Variants in BMPR1B observed in about 807,000 individuals in gnomAD.
The protein encoded by BMPR1B is bone morphogenetic protein receptor type-1B.
BMPR1B carries 12 observed loss-of-function variants against 59.1 expected under a neutral mutation model. That is an observed-to-expected ratio of 0.20 (90% CI 0.13 to 0.33). The LOEUF is 0.33. BMPR1B is among the 10% of genes least tolerant of loss of function. The pLI is 1.00. For synonymous variants in BMPR1B, 237 were observed against 207.3 expected (o/e 1.14, Z -1.23); for missense variants, 550 against 610.9 (o/e 0.90, Z 1.05).
At chr4:94,965,744 A>G (rs1445990590) in intron 2 of BMPR1B, among the ~76,000 whole-genome samples, 2 of 151,954 alleles carry the variant, frequency 1.3e-5, no homozygotes, top group Non-Finnish European at 2.9e-5. Flanking sequence ...ATATATTTTG[A>G]TTTAGACTGA....
chr4:94,916,849 T>C (rs1728501511), intron 2 of BMPR1B, among the ~76,000 whole-genome samples: 1 of 152,186 alleles, frequency 6.6e-6, no homozygotes, highest in Admixed American at 6.5e-5. Context: ...GCCCCAGCCC[T>C]GGCCATCACA....
At chr4:95,014,650 T>C (rs1185428545) in intron 3 of BMPR1B, among the ~76,000 whole-genome samples, 1 of 152,200 alleles carries the variant, frequency 6.6e-6, no homozygotes, top group Non-Finnish European at 1.5e-5. Flanking sequence ...GACTTTATCA[T>C]TATAATATCA....
intron 1 of BMPR1B, among the ~76,000 whole-genome samples, chr4:94,821,777 TG>T (rs1483070705): frequency 6.6e-6 from 1 of 152,210 alleles, no homozygotes; most frequent in Non-Finnish European, 1.5e-5. Flanking sequence ...GAAGTCTGGA[TG>T]GTACTGTGTG....
intron 3 of BMPR1B, among the ~76,000 whole-genome samples, chr4:95,099,612 A>C (rs1031860024): frequency 6.6e-6 from 1 of 151,496 alleles, no homozygotes; most frequent in South Asian, 2.1e-4. Flanking sequence ...GCACACGCAC[A>C]CACACGCACA....
chr4:94,982,131 A>G (rs746145330), intron 2 of BMPR1B, among the ~76,000 whole-genome samples: 3 of 152,228 alleles, frequency 2.0e-5, no homozygotes, highest in East Asian at 1.9e-4. Flanking sequence ...TACATAAAAA[A>G]CAATGAATCT....
At chr4:94,781,171 GTTAT>G (rs925632653) in intron 1 of BMPR1B, among the ~76,000 whole-genome samples, 12 of 152,052 alleles carry the variant, frequency 7.9e-5, no homozygotes, top group African/African-American at 2.9e-4. Flanking sequence ...AAGAAATTGA[GTTAT>G]TTATCTTTTT....
At chr4:95,072,890 CAGAA>C (rs1197656312) in intron 3 of BMPR1B, among the ~76,000 whole-genome samples, 2 of 152,098 alleles carry the variant, frequency 1.3e-5, no homozygotes, top group South Asian at 2.1e-4. Context: ...TTGGAAATTA[CAGAA>C]AGAGTCTATT....
chr4:95,061,210 C>CACACA (rs1242880406), intron 3 of BMPR1B, among the ~76,000 whole-genome samples: 1 of 132,480 alleles, frequency 7.5e-6, no homozygotes, highest in African/African-American at 2.7e-5. Flanking sequence ...CACACACACA[C>CACACA]CACACACCCC....
chr4:94,839,390 G>A lies in BMPR1B; in HGVS notation c.-182-36441G>A, dbSNP rs1315992643. On this transcript the variant is annotated intron_variant, in intron 1 of 12. Coordinates refer to ENST00000515059, the MANE Select transcript of BMPR1B (RefSeq NM_001203.3). ...AAATCTCCCATTATTAATGTGTGGG[G>A]GTCTAAGTCTCTTTGTAGGTCACTC... Among the ~76,000 whole-genome samples the A allele has an allele frequency of 6.7e-3, 894 of 132,908 alleles. 3 individuals are homozygous for A. The highest frequency in any genetic ancestry group is 0.014 in the African/African-American group (500 of 35,598). 87.2% of individuals were successfully genotyped at this position (132,908 alleles called of 152,430 possible).
intron 3 of BMPR1B, among the ~76,000 whole-genome samples, chr4:95,067,749 T>C (rs1727947198): frequency 6.6e-6 from 1 of 152,218 alleles, no homozygotes; most frequent in African/African-American, 2.4e-5. Context: ...AACCATTTTT[T>C]CCTTTGGTTT....
intron 1 of BMPR1B, among the ~76,000 whole-genome samples, chr4:94,832,778 G>A (rs781520016): frequency 2.0e-5 from 3 of 151,366 alleles, no homozygotes; most frequent in Non-Finnish European, 2.9e-5. Context: ...GTAATGCTCC[G>A]TCTCAAAAAA....
intron 2 of BMPR1B, among the ~76,000 whole-genome samples, chr4:94,987,158 A>G (rs1488459513): frequency 7.0e-6 from 1 of 143,718 alleles, no homozygotes; most frequent in East Asian, 2.0e-4. Flanking sequence ...GTATATATAC[A>G]TATACATATA....
chr4:94,885,358 A>G (rs531867222), intron 2 of BMPR1B, among the ~76,000 whole-genome samples: 3 of 152,360 alleles, frequency 2.0e-5, no homozygotes, highest in East Asian at 1.9e-4. Context: ...TATTTAGCAC[A>G]TCATTATTAT....
At chr4:95,059,320 A>G (rs956800978) in intron 3 of BMPR1B, among the ~76,000 whole-genome samples, 3 of 151,982 alleles carry the variant, frequency 2.0e-5, no homozygotes, top group South Asian at 2.1e-4. Context: ...TTATATATAT[A>G]TGTGTGTGTG....
At chr4:94,914,071 A>G (rs540840362) in intron 2 of BMPR1B, among the ~76,000 whole-genome samples, 3 of 152,272 alleles carry the variant, frequency 2.0e-5, no homozygotes, top group Admixed American at 1.3e-4. Context: ...GAGCACCTAT[A>G]GAGGTTTATT....
At chr4:94,885,734 C>G (rs1727147889) in intron 2 of BMPR1B, among the ~76,000 whole-genome samples, 1 of 151,982 alleles carries the variant, frequency 6.6e-6, no homozygotes, top group Non-Finnish European at 1.5e-5. Context: ...CTAAAGAGCT[C>G]AATCTAATTA....
intron 4 of BMPR1B, among the ~76,000 whole-genome samples, chr4:95,112,273 A>G (rs1731682843): frequency 6.6e-6 from 1 of 152,064 alleles, no homozygotes; most frequent in South Asian, 2.1e-4. Flanking sequence ...TCTGGGAACG[A>G]GGGTAACAAT....
chr4:94,832,675 CAGGAGG>C (rs1357180297), intron 1 of BMPR1B, among the ~76,000 whole-genome samples: 3 of 152,054 alleles, frequency 2.0e-5, no homozygotes, highest in Non-Finnish European at 4.4e-5. Flanking sequence ...CCCAGCTACT[CAGGAGG>C]CTGAGGCAGG....
chr4:94,826,075 A>T (rs1724371702), intron 1 of BMPR1B, among the ~76,000 whole-genome samples: 2 of 152,212 alleles, frequency 1.3e-5, no homozygotes, highest in African/African-American at 4.8e-5. Flanking sequence ...CCTCAAAAAT[A>T]TTAATTCATA....
Sources: gnomAD v4.1 joint callset for allele counts (sites outside exome capture counted in the v4.1 genomes callset) on GRCh38, gnomAD v4.1.1 for gene constraint, MANE v1.5 for transcripts, NCBI Gene and HGNC (gene_info 2026-07-23, HGNC 2026-07-21) for gene names.